The following RAB37 variants were observed in gnomAD, a reference collection of about 807,000 sequenced individuals.
RAB37 encodes the protein RAB37, member RAS oncogene family.
Under a neutral mutation model 33.1 loss-of-function variants are expected in RAB37, and 29 were observed. The ratio of observed to expected loss-of-function variants is 0.88; its 90% confidence interval spans 0.65 to 1.20. The LOEUF (loss-of-function observed/expected upper bound fraction) is 1.20. Ranked by LOEUF, RAB37 falls within the 50% of genes most tolerant of loss-of-function variation. The pLI is 0.00. For missense variants in RAB37, 299 were observed against 301.1 expected, an observed-to-expected ratio of 0.99 and a Z score of 0.05; for synonymous variants, 128 against 119.5, an observed-to-expected ratio of 1.07 and a Z score of -0.47.
At chr17:74,725,090 A>G (rs2034289707) in intron 1 of RAB37, among the ~76,000 whole-genome samples, 1 of 152,206 alleles carries the variant, frequency 6.6e-6, no homozygotes, top group Non-Finnish European at 1.5e-5. Context: ...TCCCTCCTGA[A>G]CAAAATACCT....
chr17:74,723,908 G>A (rs1200625437), intron 1 of RAB37, among the ~76,000 whole-genome samples: 3 of 152,094 alleles, frequency 2.0e-5, no homozygotes, highest in South Asian at 4.1e-4. Flanking sequence ...GAAACACAAA[G>A]AGGGAAGGCA....
At chr17:74,714,758 G>A (rs1210378744) in intron 1 of RAB37, among the ~76,000 whole-genome samples, 1 of 152,122 alleles carries the variant, frequency 6.6e-6, no homozygotes, top group Non-Finnish European at 1.5e-5. Context: ...TGACAATCAT[G>A]TCCATCCCCC....
chr17:74,696,659 C>T (rs1196019626), intron 1 of RAB37, among the ~76,000 whole-genome samples: 1 of 152,220 alleles, frequency 6.6e-6, no homozygotes, highest in Admixed American at 6.5e-5. Flanking sequence ...CCCGGGCCCC[C>T]GGGGGGCACT....
intron 5 of RAB37, among the ~76,000 whole-genome samples, chr17:74,743,675 T>C (rs2034677757): frequency 6.6e-6 from 1 of 151,914 alleles, no homozygotes; most frequent in Non-Finnish European, 1.5e-5. Flanking sequence ...ACCAGAAAAG[T>C]CCACACATAC....
At position 74,671,677 on chromosome 17, in the gene RAB37, C is replaced by T; in HGVS notation, c.72+19C>T. 6.2e-7 allele frequency: 1 copy of T among 1,611,926 alleles called. No homozygotes were observed. The highest frequency in any genetic ancestry group is 8.5e-7 in the Non-Finnish European group (1 of 1,177,950). ...GCATAAGGTAAACATCTCCTGTATT[C>T]CTCAACCTAACGTTGGAAGAGGCGC... is the stretch of plus-strand genomic sequence containing the variant. On this transcript the variant is annotated intron_variant, in intron 1 of 7. Transcript: ENST00000340415. The surrounding 1 kb of genome is among the most constrained non-coding windows in gnomAD (Gnocchi z 5.0).
At chr17:74,702,865 A>G (rs911711551) in intron 1 of RAB37, among the ~76,000 whole-genome samples, 3 of 152,244 alleles carry the variant, frequency 2.0e-5, no homozygotes, top group African/African-American at 7.2e-5. Context: ...GGAGACTGAA[A>G]GGACACCATG....
chr17:74,728,561 T>G (rs899843627), intron 1 of RAB37, among the ~76,000 whole-genome samples: 2 of 152,036 alleles, frequency 1.3e-5, no homozygotes, highest in African/African-American at 2.4e-5. Flanking sequence ...TGCCTATGTT[T>G]CTGCATCATG....
At chr17:74,678,140 AAC>A (rs2031880178) in intron 1 of RAB37, among the ~76,000 whole-genome samples, 1 of 152,170 alleles carries the variant, frequency 6.6e-6, no homozygotes, top group African/African-American at 2.4e-5. Flanking sequence ...AGGCAAGAGA[AAC>A]AGTCTGTAGA....
chr17:74,713,414 C>T (rs185821132), intron 1 of RAB37, among the ~76,000 whole-genome samples: 2 of 152,018 alleles, frequency 1.3e-5, no homozygotes, highest in South Asian at 2.1e-4. Flanking sequence ...CTGAGAAGTA[C>T]CTCTCTGTAC....
At chr17:74,703,876 T>C (rs2033280359) in intron 1 of RAB37, among the ~76,000 whole-genome samples, 2 of 152,182 alleles carry the variant, frequency 1.3e-5, no homozygotes, top group African/African-American at 4.8e-5. Flanking sequence ...AGTGTCTGCA[T>C]TCTAGAAGGA....
chr17:74,711,392 C>T (rs1170266196), intron 1 of RAB37, among the ~76,000 whole-genome samples: 1 of 152,224 alleles, frequency 6.6e-6, no homozygotes, highest in Non-Finnish European at 1.5e-5. Context: ...GTCCTGGTCT[C>T]ACTGTGCCAA....
At chr17:74,706,700 A>G (rs537058181) in intron 1 of RAB37, among the ~76,000 whole-genome samples, 1 of 152,270 alleles carries the variant, frequency 6.6e-6, no homozygotes, top group Admixed American at 6.5e-5. Flanking sequence ...AAAAACCAGC[A>G]GTTCAAGCAC....
intron 1 of RAB37, chr17:74,696,182 G>A: frequency 1.9e-6 from 3 of 1,600,642 alleles, no homozygotes; most frequent in Non-Finnish European, 2.6e-6. Flanking sequence ...TCCGACCTTG[G>A]GGGCTATCTT....
At position 74,744,947 on chromosome 17, in the gene RAB37, G is replaced by A. The variant is rs758290332; in HGVS notation, c.489+18G>A. ...TGGCCAGGGTAAGTGATTGTCTGTG[G>A]GACAGGGTGAAGGGTGGGGGCAACC... On this transcript the variant is annotated intron_variant, in intron 7 of 8. Transcript: ENST00000392613. This position sits in a 1 kb window ranked among gnomAD's most constrained non-coding sequence, Gnocchi z 4.2. 1.9e-6 allele frequency: 3 copies of A among 1,614,266 alleles called. No homozygotes were observed. The highest frequency in any genetic ancestry group is 1.3e-5 in the African/African-American group (1 of 75,084).
chr17:74,719,081 T>C lies in RAB37; in HGVS notation c.73-10175T>C, dbSNP rs139562321. Among the ~76,000 whole-genome samples the C allele has an allele frequency of 6.8e-3, 1,041 of 152,342 alleles. 8 individuals are homozygous for C. The highest frequency in any genetic ancestry group is 0.037 in the Middle Eastern group (11 of 294). On this transcript the variant is annotated intron_variant, in intron 1 of 7. Transcript: ENST00000340415. Reference sequence around the variant, plus strand: ...TAGAAATTCTCTAAAAATTAAATCCTATTTTATAAAAAAGAGAGACATGGC... The same window carrying C: ...TAGAAATTCTCTAAAAATTAAATCCCATTTTATAAAAAAGAGAGACATGGC...
At chr17:74,689,542 C>T (rs974562803) in intron 1 of RAB37, among the ~76,000 whole-genome samples, 1 of 152,122 alleles carries the variant, frequency 6.6e-6, no homozygotes, top group African/African-American at 2.4e-5. Context: ...TGACCAATTA[C>T]CAATTCCTGT....
rs376263169 is a variant in RAB37, at chr17:74,743,207, G to A, written c.313+12G>A. 150 of 1,613,312 alleles carry A rather than the reference G, an allele frequency of 9.3e-5. No homozygotes were observed. Among genetic ancestry groups the A allele is most frequent in the Middle Eastern group, 1.6e-4 (1 of 6,082 alleles). ...CAGAGATGCTCAGGGTGAGTCCCTC[G>A]CACCCTCCAACCCCTACCCCAGCCC... On this transcript the variant is annotated intron_variant, in intron 4 of 8. Coordinates refer to ENST00000392613, the MANE Select transcript of RAB37 (RefSeq NM_001006638.3).
intron 1 of RAB37, among the ~76,000 whole-genome samples, chr17:74,720,896 C>T (rs1017355128): frequency 6.6e-6 from 1 of 152,100 alleles, no homozygotes; most frequent in Admixed American, 6.5e-5. Context: ...GGAAGGGGAG[C>T]TGGAAAAGGG....
At chr17:74,732,036 A>C (rs2034390898) in intron 2 of RAB37, among the ~76,000 whole-genome samples, 1 of 151,738 alleles carries the variant, frequency 6.6e-6, no homozygotes, top group Non-Finnish European at 1.5e-5. Flanking sequence ...AAAAAAAAAA[A>C]CACCTCACTC....
Sources: gnomAD v4.1 joint callset for allele counts (sites outside exome capture counted in the v4.1 genomes callset) on GRCh38, gnomAD v4.1.1 for gene constraint, Gnocchi (gnomAD v3.1) non-coding constraint, MANE v1.5 for transcripts, NCBI Gene and HGNC (gene_info 2026-07-23, HGNC 2026-07-21) for gene names.